The following TMEM266 variants were observed in gnomAD, a reference collection of about 807,000 sequenced individuals.
TMEM266 encodes the protein transmembrane protein 266, also known as Hv1 related protein 1.
TMEM266 carries 33 observed loss-of-function variants against 50.5 expected under a neutral mutation model. That is an observed-to-expected ratio of 0.65 (90% CI 0.50 to 0.87). TMEM266 has a LOEUF of 0.87. TMEM266 is among the 40% of genes least tolerant of loss of function. TMEM266 has a pLI of 0.00. For synonymous variants in TMEM266, 310 were observed against 292.3 expected (o/e 1.06, Z -0.62); for missense variants, 655 against 695.1 (o/e 0.94, Z 0.65).
chr15:76,117,917 C>G lies in TMEM266; in HGVS notation c.-96-16251C>G, dbSNP rs182785701. On this transcript the variant is annotated intron_variant, in intron 1 of 10. Coordinates refer to ENST00000388942, the MANE Select transcript of TMEM266 (RefSeq NM_152335.3). ...AGGTGGAAACACAGGTTCCTGATCT[C>G]CTTGCTCAGAATCTCTAGGATGGCC... 1.6e-3 allele frequency among the ~76,000 whole-genome samples: 243 copies of G among 152,370 alleles called. 1 individual carries two copies. The highest frequency in any genetic ancestry group is 2.7e-3 in the Non-Finnish European group (186 of 68,036).
chr15:76,155,440 C>A (rs1346547759), intron 3 of TMEM266, among the ~76,000 whole-genome samples: 2 of 152,172 alleles, frequency 1.3e-5, no homozygotes, highest in Non-Finnish European at 2.9e-5. Flanking sequence ...CAGACCTGCT[C>A]AGGAAAGCTG....
intron 5 of TMEM266, among the ~76,000 whole-genome samples, chr15:76,165,070 C>T (rs1336979840): frequency 6.6e-6 from 1 of 152,278 alleles, no homozygotes; most frequent in Non-Finnish European, 1.5e-5. Context: ...GAGGGGAGGG[C>T]CTCGGCCTCA....
chr15:76,153,763 A>C lies in TMEM266; in HGVS notation c.228-2841A>C, dbSNP rs1468778020. Among the ~76,000 whole-genome samples the C allele has an allele frequency of 6.6e-6, 1 of 152,106 alleles. No individual in the cohort carries two copies. Among genetic ancestry groups the C allele is most frequent in the East Asian group, 1.9e-4 (1 of 5,188 alleles). ...ACATCGTGGGAAAAGAAGCAGGGGG[A>C]GTAGGTGAGGCCGGAAGGAAGAATC... On this transcript the variant is annotated intron_variant, in intron 3 of 10. Coordinates refer to ENST00000388942, the MANE Select transcript of TMEM266 (RefSeq NM_152335.3). This position sits in a 1 kb window ranked among gnomAD's most constrained non-coding sequence, Gnocchi z 4.2.
chr15:76,178,101 G>A (rs1389638168), intron 8 of TMEM266, among the ~76,000 whole-genome samples: 1 of 152,146 alleles, frequency 6.6e-6, no homozygotes, highest in Non-Finnish European at 1.5e-5. Flanking sequence ...GACAGGCTTG[G>A]GAAGGGGCTC....
At chr15:76,185,149 G>C (rs972656084) in intron 8 of TMEM266, among the ~76,000 whole-genome samples, 2 of 152,150 alleles carry the variant, frequency 1.3e-5, no homozygotes, top group African/African-American at 4.8e-5. Context: ...TCTTAAATTT[G>C]TGGATTGATG....
chr15:76,182,417 A>G (rs2038428006), intron 8 of TMEM266, among the ~76,000 whole-genome samples: 1 of 152,054 alleles, frequency 6.6e-6, no homozygotes, highest in Non-Finnish European at 1.5e-5. Flanking sequence ...CGGGCAGATC[A>G]CGAGGTCAGG....
At chr15:76,188,530 G>A (rs1016685803) in intron 8 of TMEM266, among the ~76,000 whole-genome samples, 2 of 152,166 alleles carry the variant, frequency 1.3e-5, no homozygotes. Context: ...TTGAACCCAC[G>A]AGACAGAGGT....
In TMEM266 at chr15:76,191,951, C is replaced by T; in HGVS notation, c.769-17C>T. On this transcript the variant is annotated splice_polypyrimidine_tract_variant and intron_variant, in intron 8 of 10. Transcript: ENST00000388942. ...GCCCCTCGCCGCTGATTCAGCCTTG[C>T]CCGTCTCCCTCCGCAGTTTGAGATC... is the stretch of plus-strand genomic sequence containing the variant. 1 of 1,572,018 alleles carries T rather than the reference C, an allele frequency of 6.4e-7. No individual in the cohort carries two copies. Among genetic ancestry groups the T allele is most frequent in the South Asian group, 1.1e-5 (1 of 87,366 alleles).
intron 1 of TMEM266, among the ~76,000 whole-genome samples, chr15:76,076,634 C>T (rs1596087187): frequency 1.3e-5 from 2 of 151,984 alleles, no homozygotes; most frequent in South Asian, 2.1e-4. Context: ...TACTCACAGG[C>T]AGAGCAAGAA....
chr15:76,196,913 A>G (rs2038665186), intron 9 of TMEM266, among the ~76,000 whole-genome samples: 1 of 152,224 alleles, frequency 6.6e-6, no homozygotes, highest in Admixed American at 6.5e-5. Context: ...GCCCCTGTGT[A>G]GTCATTAATA....
Position 76,204,395 on chromosome 15 carries a change from A to C in TMEM266, c.*80A>C. The C allele has an allele frequency of 7.2e-7, 1 of 1,387,478 alleles. No individual in the cohort carries two copies. Among genetic ancestry groups the C allele is most frequent in the Non-Finnish European group, 9.8e-7 (1 of 1,020,308 alleles). The allele number at this position is 1,387,478 out of a possible 1,614,324, so 85.9% of individuals were successfully genotyped here. On this transcript the variant is annotated 3_prime_UTR_variant, in exon 11 of 11. Transcript: ENST00000388942. ...GGGACCCTGGAGGCTGCCAAGGGCC[A>C]CACGCGGGGCCCAGGAGCCCACCTG...
chr15:76,115,460 G>T (rs957922699), intron 1 of TMEM266, among the ~76,000 whole-genome samples: 1 of 152,142 alleles, frequency 6.6e-6, no homozygotes, highest in Non-Finnish European at 1.5e-5. Flanking sequence ...TTCTGCTCTG[G>T]CCCTACGCTC....
chr15:76,179,194 A>C lies in TMEM266; in HGVS notation c.768+3520A>C, dbSNP rs77448018. On this transcript the variant is annotated intron_variant, in intron 8 of 10. Transcript: ENST00000388942. ...ACCCAGGTGTGTCTCTCTTTAGAAC[A>C]CTTACTGGCCTTGTGGCTTTGGGCA... 2.6e-5 allele frequency among the ~76,000 whole-genome samples: 4 copies of C among 152,360 alleles called. No homozygotes were observed. The East Asian group carries it at 7.7e-4, about 29-fold the overall frequency.
At chr15:76,145,760 C>T (rs915653339) in intron 3 of TMEM266, among the ~76,000 whole-genome samples, 2 of 152,262 alleles carry the variant, frequency 1.3e-5, no homozygotes, top group Admixed American at 1.3e-4. Context: ...TGGGAAAGCT[C>T]TGCCTTCTTA....
At chr15:76,105,270 G>A (rs1356032567) in intron 1 of TMEM266, among the ~76,000 whole-genome samples, 2 of 151,964 alleles carry the variant, frequency 1.3e-5, no homozygotes, top group Non-Finnish European at 1.5e-5. Context: ...GAAAAAAAAA[G>A]TTTTATTCCA....
intron 9 of TMEM266, among the ~76,000 whole-genome samples, chr15:76,194,402 G>A (rs944455506): frequency 6.6e-6 from 1 of 152,018 alleles, no homozygotes; most frequent in African/African-American, 2.4e-5. Context: ...CCACCATACC[G>A]TGATTGTTCC....
intron 9 of TMEM266, among the ~76,000 whole-genome samples, chr15:76,192,586 C>A (rs2038596396): frequency 6.6e-6 from 1 of 152,186 alleles, no homozygotes; most frequent in Non-Finnish European, 1.5e-5. Flanking sequence ...TACTGGACTA[C>A]CACCTACTGG....
intron 3 of TMEM266, among the ~76,000 whole-genome samples, chr15:76,147,670 G>C (rs1357554096): frequency 1.3e-5 from 2 of 152,220 alleles, no homozygotes; most frequent in Non-Finnish European, 2.9e-5. Context: ...CATTTTTCCT[G>C]ATGAGCACTG....
At chr15:76,081,006 T>C (rs2036685018) in intron 1 of TMEM266, among the ~76,000 whole-genome samples, 1 of 151,992 alleles carries the variant, frequency 6.6e-6, no homozygotes, top group Non-Finnish European at 1.5e-5. Context: ...CCACCTGGCC[T>C]CCCAGAGTGC....
Sources: allele counts gnomAD v4.1 joint callset (sites outside exome capture counted in the v4.1 genomes callset), GRCh38; gene constraint gnomAD v4.1.1; non-coding constraint Gnocchi (gnomAD v3.1); transcripts MANE v1.5; gene names NCBI Gene and HGNC (gene_info 2026-07-23, HGNC 2026-07-21).